The following DPP9 variants were observed in gnomAD, a reference collection of about 807,000 sequenced individuals.
DPP9 encodes dipeptidyl peptidase 9.
Under a neutral mutation model 110.7 loss-of-function variants are expected in DPP9, and 50 were observed. The ratio of observed to expected loss-of-function variants is 0.45; its 90% CI spans 0.36 to 0.57. The LOEUF is 0.57. Among genes scored for constraint, DPP9 ranks in the 20% least tolerant of loss-of-function variants. The pLI, the probability that DPP9 is intolerant of heterozygous loss-of-function variation, is 0.00. For missense variants in DPP9, 1,022 were observed against 1,217.9 expected, an observed-to-expected ratio of 0.84 and a Z score of 2.39; for synonymous variants, 561 against 514.4, an observed-to-expected ratio of 1.09 and a Z score of -1.23.
chr19:4,697,638 T>C lies in DPP9; in HGVS notation c.1088A>G (p.Gln363Arg). The change falls in exon 11 of 22, where the codon CAG becomes CGG. Residue 363 changes from glutamine (Q) to arginine (R), a missense_variant. Gln to Arg is a conservative substitution (Grantham distance 43). Transcript: ENST00000262960. ...GAAGGGCTGCACCAGCTCCTTCTCC[T>C]GGGTCGAGACGATCTGAAGGGAAAC... ...TDSQGKIVST[Q>R]EKELVQPFSS... is the part of the protein sequence containing the mutation. 1 of 1,613,862 alleles carries C rather than the reference T, an allele frequency of 6.2e-7. No homozygotes were observed. The highest frequency in any genetic ancestry group is 8.5e-7 in the Non-Finnish European group (1 of 1,179,850).
rs534087996 is a variant in DPP9, at chr19:4,710,686, G to A, written c.313+3395C>T. On this transcript the variant is annotated intron_variant, in intron 4 of 21. Coordinates refer to ENST00000262960, the MANE Select transcript of DPP9 (RefSeq NM_139159.5). The surrounding 1 kb of genome is among the most constrained non-coding windows in gnomAD (Gnocchi z 5.6). Reference sequence around the variant, plus strand: ...CCTGGCCTTGAAGTCTGGACACTGGGCTAGTGCTAAGAAGTGTTATTATTA... The same window carrying A: ...CCTGGCCTTGAAGTCTGGACACTGGACTAGTGCTAAGAAGTGTTATTATTA... 6.6e-6 allele frequency among the ~76,000 whole-genome samples: 1 copy of A among 152,280 alleles called. No individual in the cohort carries two copies. Among genetic ancestry groups the A allele is most frequent in the East Asian group, 1.9e-4 (1 of 5,180 alleles).
At chr19:4,715,018 ACTTTTTTTTTTTTTT>A (rs2093012516) in intron 3 of DPP9, among the ~76,000 whole-genome samples, 1 of 78,118 alleles carries the variant, frequency 1.3e-5, no homozygotes, top group South Asian at 4.4e-4. Context: ...ATATATATAT[ACTTTTTTTTTTTTTT>A]TTTTTTTTTT....
At chr19:4,690,353 G>A (rs866805697) in intron 14 of DPP9, among the ~76,000 whole-genome samples, 1 of 152,390 alleles carries the variant, frequency 6.6e-6, no homozygotes, top group East Asian at 1.9e-4. Flanking sequence ...CGAGGGAGGA[G>A]AGGGCATTGC....
At chr19:4,697,737 T>C in intron 10 of DPP9, 86 bp from the exon 11 acceptor site, 4 of 1,084,968 alleles carry the variant, frequency 3.7e-6, no homozygotes, top group Non-Finnish European at 5.4e-6. Flanking sequence ...GGTCCCATCA[T>C]GTCCCCCCCA....
rs2090453745 is a variant in DPP9, at chr19:4,684,885, G to C, written c.2032-76C>G. On this transcript the variant is annotated intron_variant, in intron 17 of 21. Transcript: ENST00000262960. This position sits in a 1 kb window ranked among gnomAD's most constrained non-coding sequence, Gnocchi z 4.8. ...GGCCTGGCAGGGGAGATGCCGGTGG[G>C]CTGGGGACCGGGCCGGGCTGGGGCC... 6.5e-7 allele frequency: 1 copy of C among 1,541,052 alleles called. No individual in the cohort carries two copies. The highest frequency in any genetic ancestry group is 8.8e-7 in the Non-Finnish European group (1 of 1,139,384).
At position 4,713,417 on chromosome 19, in the gene DPP9, C is replaced by T. The variant is rs557628258; in HGVS notation, c.313+664G>A. Among the ~76,000 whole-genome samples, 8 of 152,326 alleles carry T rather than the reference C, an allele frequency of 5.3e-5. No individual in the cohort carries two copies. In the East Asian group the frequency reaches 1.2e-3, roughly 22 times the overall value. ...GCCTAACCCGTGCCCTGAAGGCACT[C>T]GTGGTGCAGAGGAGCCCAGTCCCGT... is the stretch of plus-strand genomic sequence containing the variant. On this transcript the variant is annotated intron_variant, in intron 4 of 21. Transcript: ENST00000262960.
chr19:4,718,743 C>A lies in DPP9; in HGVS notation c.56+1108G>T, dbSNP rs74172656. Among the ~76,000 whole-genome samples, 1 of 152,178 alleles carries A rather than the reference C, an allele frequency of 6.6e-6. No homozygotes were observed. The highest frequency in any genetic ancestry group is 1.5e-5 in the Non-Finnish European group (1 of 68,042). ...GTGCCCACCAGACGCTGGGACCACC[C>A]GGTTTTAGAGCCCATGGCTGGGCCA... On this transcript the variant is annotated intron_variant, in intron 3 of 21. Transcript: ENST00000262960. The surrounding 1 kb of genome is among the most constrained non-coding windows in gnomAD (Gnocchi z 4.3).
intron 9 of DPP9, 55 bp downstream of exon 9, chr19:4,701,972 T>C: frequency 6.3e-7 from 1 of 1,587,654 alleles, no homozygotes; most frequent in South Asian, 1.2e-5. Context: ...TCACCAGCCA[T>C]GCCCCAGGGG....
Position 4,704,278 on chromosome 19 carries a change from A to G in DPP9, c.453T>C (p.Ser151=). The change falls in exon 6 of 22, where the codon TCT becomes TCC. Residue 151 remains serine, a synonymous_variant. Coordinates refer to ENST00000262960, the MANE Select transcript of DPP9 (RefSeq NM_139159.5). This position sits in a 1 kb window ranked among gnomAD's most constrained non-coding sequence, Gnocchi z 6.0. ...FQATPHHGVY[S]REEELLRERK... ...GCTCCCTCAGCAGCTCCTCCTCCCG[A>G]GAGTAGACCCCATGGTGGGGCGTGG... 6.2e-7 allele frequency: 1 copy of G among 1,613,458 alleles called. No individual in the cohort carries two copies. The highest frequency in any genetic ancestry group is 8.5e-7 in the Non-Finnish European group (1 of 1,179,884).
In DPP9 at chr19:4,689,125, C is replaced by T. The variant is rs1443186068; in HGVS notation, c.1750-233G>A. On this transcript the variant is annotated intron_variant, in intron 15 of 21. Coordinates refer to ENST00000262960, the MANE Select transcript of DPP9 (RefSeq NM_139159.5). The surrounding 1 kb of genome is among the most constrained non-coding windows in gnomAD (Gnocchi z 7.0). Reference sequence around the variant, plus strand: ...ACGAGTCTGTCCCCCAGCCAGGGGCCTATGGACAGTCACCGACCGCTGGAT... The same window carrying T: ...ACGAGTCTGTCCCCCAGCCAGGGGCTTATGGACAGTCACCGACCGCTGGAT... Among the ~76,000 whole-genome samples, 2 of 152,216 alleles carry T rather than the reference C, an allele frequency of 1.3e-5. No individual in the cohort carries two copies. Among genetic ancestry groups the T allele is most frequent in the Non-Finnish European group, 2.9e-5 (2 of 68,036 alleles).
At chr19:4,716,498 G>T (rs936712091) in intron 3 of DPP9, among the ~76,000 whole-genome samples, 4 of 152,060 alleles carry the variant, frequency 2.6e-5, no homozygotes, top group African/African-American at 9.7e-5. Context: ...TTAGCCGGGC[G>T]TGGTAGCGGG....
In DPP9 at chr19:4,687,144, G is replaced by A. The variant is rs937245806; in HGVS notation, c.1886-1373C>T. Among the ~76,000 whole-genome samples the A allele has an allele frequency of 6.6e-6, 1 of 152,164 alleles. No individual in the cohort carries two copies. The highest frequency in any genetic ancestry group is 2.4e-5 in the African/African-American group (1 of 41,438). On this transcript the variant is annotated intron_variant, in intron 16 of 21. Coordinates refer to ENST00000262960, the MANE Select transcript of DPP9 (RefSeq NM_139159.5). This position sits in a 1 kb window ranked among gnomAD's most constrained non-coding sequence, Gnocchi z 4.7. The stretch of plus-strand genomic sequence containing the variant: ...GAAGCCAGGGCTCCAGCTCCTGGCG[G>A]TGTCGGTGCGGACAGGAGAGTGAGG...
At chr19:4,679,074 C>A (rs1451270983) in intron 21 of DPP9, among the ~76,000 whole-genome samples, 1 of 151,398 alleles carries the variant, frequency 6.6e-6, no homozygotes, top group Non-Finnish European at 1.5e-5. Context: ...TGAGGGCCCC[C>A]CCTCCTCTAC....
In DPP9 at chr19:4,682,719, C is replaced by G. The variant is rs542539461; in HGVS notation, c.2451G>C (p.Leu817=). ...ACTCATTGGGCAGCTTCTCCACGTG[C>G]AGGGCCACGGAACCCGCCTCATAGC... The part of the protein sequence containing the change: ...QHGYEAGSVA[L]HVEKLPNEPN... The change falls in exon 20 of 22, where the codon CTG becomes CTC. Residue 817 remains leucine, a synonymous_variant. Transcript: ENST00000262960. This position sits in a 1 kb window ranked among gnomAD's most constrained non-coding sequence, Gnocchi z 7.1. The G allele has an allele frequency of 9.3e-6, 15 of 1,609,808 alleles. No homozygotes were observed. In the East Asian group the frequency reaches 1.3e-4, roughly 14 times the overall value.
intron 5 of DPP9, among the ~76,000 whole-genome samples, chr19:4,705,641 G>A (rs2092543668): frequency 6.6e-6 from 1 of 152,266 alleles, no homozygotes; most frequent in African/African-American, 2.4e-5. Flanking sequence ...GCCGTTAAAA[G>A]GAAGAGATGC....
intron 15 of DPP9, 106 bp from the exon 16 acceptor site, chr19:4,688,998 C>G (rs2091063987): frequency 3.0e-6 from 4 of 1,312,162 alleles, no homozygotes; most frequent in Non-Finnish European, 3.9e-6. Flanking sequence ...GCCCCCATCC[C>G]TCTGCCCCTG....
At position 4,718,243 on chromosome 19, in the gene DPP9, G is replaced by C. The variant is rs999711755; in HGVS notation, c.56+1608C>G. Reference sequence around the variant, plus strand: ...AGCTCCAAAGCTCTGTGATGTCTGTGTCTGAGCTGGTGCTTTGGTGGCGAG... The same window carrying C: ...AGCTCCAAAGCTCTGTGATGTCTGTCTCTGAGCTGGTGCTTTGGTGGCGAG... On this transcript the variant is annotated intron_variant, in intron 3 of 21. Coordinates refer to ENST00000262960, the MANE Select transcript of DPP9 (RefSeq NM_139159.5). The surrounding 1 kb of genome is among the most constrained non-coding windows in gnomAD (Gnocchi z 4.3). 2.6e-5 allele frequency among the ~76,000 whole-genome samples: 4 copies of C among 152,196 alleles called. No homozygotes were observed. The highest frequency in any genetic ancestry group is 9.7e-5 in the African/African-American group (4 of 41,442).
In DPP9 at chr19:4,704,930, A is replaced by G. The variant is rs908747458; in HGVS notation, c.427-626T>C. Among the ~76,000 whole-genome samples, 2 of 152,174 alleles carry G rather than the reference A, an allele frequency of 1.3e-5. No individual in the cohort carries two copies. The highest frequency in any genetic ancestry group is 2.9e-5 in the Non-Finnish European group (2 of 68,032). On this transcript the variant is annotated intron_variant, in intron 5 of 21. Coordinates refer to ENST00000262960, the MANE Select transcript of DPP9 (RefSeq NM_139159.5). This position sits in a 1 kb window ranked among gnomAD's most constrained non-coding sequence, Gnocchi z 6.0. ...AGAAGAATCACTTGAACCGGGAGGCAGAGGTTGCAGTGAGCCGAGATTGCG... is the reference window on the plus strand; with the variant it reads ...AGAAGAATCACTTGAACCGGGAGGCGGAGGTTGCAGTGAGCCGAGATTGCG...
chr19:4,723,511 A>G (rs2093413223), intron 1 of DPP9, among the ~76,000 whole-genome samples, 163 bp downstream of exon 1: 1 of 152,084 alleles, frequency 6.6e-6, no homozygotes, highest in Non-Finnish European at 1.5e-5. Context: ...CGGAGAGGAA[A>G]CGAGGCAGGG....
Sources: allele counts gnomAD v4.1 joint callset (sites outside exome capture counted in the v4.1 genomes callset), GRCh38; gene constraint gnomAD v4.1.1; non-coding constraint Gnocchi (gnomAD v3.1); transcripts MANE v1.5; gene names NCBI Gene and HGNC (gene_info 2026-07-23, HGNC 2026-07-21).